The following EMG1 variants were observed in gnomAD, a reference collection of about 807,000 sequenced individuals.
EMG1 encodes ribosomal RNA small subunit methyltransferase NEP1.
In EMG1, 24 loss-of-function variants were observed where a neutral mutation model predicts 26.9. The observed-to-expected ratio is 0.89, with a 90% CI of 0.65 to 1.26. EMG1 has a LOEUF of 1.26. Among genes scored for constraint, EMG1 ranks in the 50% most tolerant of loss-of-function variants. EMG1 has a pLI of 0.00. For synonymous variants in EMG1, 140 were observed against 112.6 expected (o/e 1.24, Z -1.54); for missense variants, 299 against 307.6 (o/e 0.97, Z 0.21).
intron 3 of EMG1, 122 bp downstream of exon 3, chr12:6,974,815 C>A: frequency 2.8e-6 from 3 of 1,058,828 alleles, no homozygotes; most frequent in African/African-American, 1.6e-5. Context: ...ATGATTAATA[C>A]CAGGACAAGG....
chr12:6,973,079 A>G (rs1322025965), intron 1 of EMG1, among the ~76,000 whole-genome samples: 1 of 150,396 alleles, frequency 6.6e-6, no homozygotes, highest in Non-Finnish European at 1.5e-5. Context: ...GGCTCAAGTG[A>G]TCCTTCCACC....
rs782116134 is a variant in EMG1 at position 6,987,623 on chromosome 12, C to G, written c.*155-159C>G. ...GGGGTATAAATAAAAAAATATAAAACAGTAGATAATTATCTAGAGCACTCA... is the reference window on the plus strand; with the variant it reads ...GGGGTATAAATAAAAAAATATAAAAGAGTAGATAATTATCTAGAGCACTCA... On this transcript the variant is annotated intron_variant and NMD_transcript_variant, in intron 6 of 7. Transcript: ENST00000261406. The surrounding 1 kb of genome is among the most constrained non-coding windows in gnomAD (Gnocchi z 4.1). Among the ~76,000 whole-genome samples, 19 of 152,156 alleles carry G rather than the reference C, an allele frequency of 1.2e-4. No individual in the cohort carries two copies. The highest frequency in any genetic ancestry group is 5.2e-4 in the Admixed American group (8 of 15,270).
At position 6,975,945 on chromosome 12, in the gene EMG1, A is replaced by G. The variant is rs11167; in HGVS notation, c.*136A>G. 21,043 of 636,774 alleles carry G rather than the reference A, an allele frequency of 0.033. 678 individuals are homozygous for G. Among genetic ancestry groups the G allele is most frequent in the African/African-American group, 0.11 (6,153 of 55,096 alleles). 39.4% of individuals were successfully genotyped at this position (636,774 alleles called of 1,614,324 possible). A position where few individuals can be genotyped will look rare whatever the true frequency, so the allele number is the denominator to read the frequency against. On this transcript the variant is annotated 3_prime_UTR_variant, in exon 6 of 6. Transcript: ENST00000599672. ...GGGAAGCCAAGGCTGTACATTTGCT[A>G]TTTGTTTATCCTATGAATACTGTTC... is the stretch of plus-strand genomic sequence containing the variant.
At chr12:6,975,541 G>A in intron 5 of EMG1, 155 bp from the exon 6 acceptor site, 1 of 975,270 alleles carries the variant, frequency 1.0e-6, no homozygotes, top group Non-Finnish European at 1.6e-6. Context: ...GCCATAATTG[G>A]AAGTCACAGT....
At position 6,977,016 on chromosome 12, in the gene EMG1, T is replaced by A; in HGVS notation, c.*1207T>A. The stretch of plus-strand genomic sequence containing the variant: ...GTAGTCATTGCCCATACTGTGTTCC[T>A]TAGTAGCCAGGCTAATCCTTGGAAT... On this transcript the variant is annotated 3_prime_UTR_variant, in exon 6 of 6. Coordinates refer to ENST00000599672, the MANE Select transcript of EMG1 (RefSeq NM_006331.8). This position sits in a 1 kb window ranked among gnomAD's most constrained non-coding sequence, Gnocchi z 4.5. 1.4e-6 allele frequency: 1 copy of A among 708,606 alleles called. No individual in the cohort carries two copies. The highest frequency in any genetic ancestry group is 2.5e-5 in the East Asian group (1 of 40,408). 43.9% of individuals were successfully genotyped at this position (708,606 alleles called of 1,614,324 possible).
chr12:6,994,358 C>G, intron 7 of EMG1, among the ~76,000 whole-genome samples: 1 of 152,230 alleles, frequency 6.6e-6, no homozygotes, highest in East Asian at 1.9e-4. Context: ...CAGGTGTGCA[C>G]CACCATGCCC....
At chr12:6,996,624 A>G (rs1946637878) in intron 7 of EMG1, among the ~76,000 whole-genome samples, 1 of 152,248 alleles carries the variant, frequency 6.6e-6, no homozygotes, top group Non-Finnish European at 1.5e-5. Context: ...TAGGCAGTCA[A>G]TACAATATTT....
chr12:6,974,998 C>T (rs1389471124), intron 3 of EMG1, 92 bp from the exon 4 acceptor site: 2 of 1,274,498 alleles, frequency 1.6e-6, no homozygotes, highest in East Asian at 2.3e-5. Flanking sequence ...ACACAGGGAA[C>T]TCATCTTATC....
Position 6,979,127 on chromosome 12 carries a change from G to A in EMG1, c.*3318G>A. The A allele has an allele frequency of 3.0e-6, 1 of 335,700 alleles. No individual in the cohort carries two copies. The highest frequency in any genetic ancestry group is 4.6e-5 in the South Asian group (1 of 21,942). 20.8% of individuals were successfully genotyped at this position (335,700 alleles called of 1,614,324 possible). A position where few individuals can be genotyped will look rare whatever the true frequency, so the allele number is the denominator to read the frequency against. On this transcript the variant is annotated 3_prime_UTR_variant, in exon 6 of 6. Coordinates refer to ENST00000599672, the MANE Select transcript of EMG1 (RefSeq NM_006331.8). ...CTTGGTTTCTGAATTCCCTAGAAGT[G>A]CCCAAATGTATCAGTCAAGAGAAGA...
chr12:6,979,388 T>C lies in EMG1; in HGVS notation c.*3579T>C. ...GCACTTGTAGATGATATTTCCTACT[T>C]CTCTGCTATCTGTAGGGATCCTTGC... is the stretch of plus-strand genomic sequence containing the variant. On this transcript the variant is annotated 3_prime_UTR_variant, in exon 6 of 6. Coordinates refer to ENST00000599672, the MANE Select transcript of EMG1 (RefSeq NM_006331.8). 9.9e-7 allele frequency: 1 copy of C among 1,010,650 alleles called. No homozygotes were observed. 62.6% of individuals were successfully genotyped at this position (1,010,650 alleles called of 1,614,324 possible).
downstream of EMG1, chr12:6,982,743 T>G: frequency 6.2e-7 from 1 of 1,614,046 alleles, no homozygotes; most frequent in Non-Finnish European, 8.5e-7. Context: ...GATGAGGAAC[T>G]GAAGCACAAT....
In EMG1 at chr12:6,978,734, G is replaced by C; in HGVS notation, c.*2925G>C. 6.2e-7 allele frequency: 1 copy of C among 1,607,268 alleles called. No homozygotes were observed. Among genetic ancestry groups the C allele is most frequent in the Middle Eastern group, 1.7e-4 (1 of 6,032 alleles). ...GTGCATTAGGGATATCACATGACTA[G>C]GCAGTTTCTCTCAGCACTCTTCCTT... On this transcript the variant is annotated 3_prime_UTR_variant, in exon 6 of 6. Transcript: ENST00000599672.
chr12:6,984,249 G>T (rs1946500517), downstream of EMG1, among the ~76,000 whole-genome samples: 1 of 152,226 alleles, frequency 6.6e-6, no homozygotes, highest in Admixed American at 6.5e-5. Context: ...CCATGATTCA[G>T]AGTATAGTCC....
chr12:6,988,698 G>A (rs1339649748), downstream of EMG1, among the ~76,000 whole-genome samples: 2 of 152,178 alleles, frequency 1.3e-5, no homozygotes, highest in African/African-American at 2.4e-5. Flanking sequence ...ATGAGACACG[G>A]TTCTGACAGC....
intron 6 of EMG1, among the ~76,000 whole-genome samples, chr12:6,985,072 AT>A (rs374834474): frequency 1.5e-5 from 2 of 133,798 alleles, no homozygotes; most frequent in East Asian, 2.2e-4. Context: ...CCTTCTAGTC[AT>A]TTTTCCCCCA....
downstream of EMG1, among the ~76,000 whole-genome samples, chr12:6,990,128 C>T (rs7484674): frequency 1.7e-3 from 262 of 150,708 alleles, 1 homozygote; most frequent in South Asian, 0.031. Flanking sequence ...CAATGAGCTA[C>T]GATGATGCCA....
rs201219868 is a variant in EMG1 at position 6,978,511 on chromosome 12, A to G, written c.*2702A>G. On this transcript the variant is annotated 3_prime_UTR_variant, in exon 6 of 6. Coordinates refer to ENST00000599672, the MANE Select transcript of EMG1 (RefSeq NM_006331.8). ...CCGTCAAAATGCATACTCCTTCCTG[A>G]GAGGGAATAGCTCAGTTAGGGCTCT... 4 of 1,612,258 alleles carry G rather than the reference A, an allele frequency of 2.5e-6. No homozygotes were observed. Among genetic ancestry groups the G allele is most frequent in the East Asian group, 2.2e-5 (1 of 44,830 alleles).
Position 6,978,187 on chromosome 12 carries a change from G to T in EMG1, c.*2378G>T. ...GACAGTAATGGTTTTTTTGGGAGGG[G>T]GGTATAGGTGGGGGTCAAAGTCAGT... On this transcript the variant is annotated 3_prime_UTR_variant, in exon 6 of 6. Transcript: ENST00000599672. 1 of 828,718 alleles carries T rather than the reference G, an allele frequency of 1.2e-6. No individual in the cohort carries two copies. Among genetic ancestry groups the T allele is most frequent in the Non-Finnish European group, 1.9e-6 (1 of 530,212 alleles). The allele number at this position is 828,718 out of a possible 1,614,324, so 51.3% of individuals were successfully genotyped here.
chr12:6,971,191 G>A (rs1946322267), intron 1 of EMG1, 100 bp downstream of exon 1: 1 of 994,950 alleles, frequency 1.0e-6, no homozygotes, highest in South Asian at 1.4e-5. Context: ...GCAGAGAGGG[G>A]TGAAAGATGC....
Sources: gnomAD v4.1 joint callset for allele counts (sites outside exome capture counted in the v4.1 genomes callset) on GRCh38, gnomAD v4.1.1 for gene constraint, Gnocchi (gnomAD v3.1) non-coding constraint, MANE v1.5 for transcripts, NCBI Gene and HGNC (gene_info 2026-07-23, HGNC 2026-07-21) for gene names.